Variants in SATL1 observed in about 807,000 individuals in gnomAD.
SATL1 encodes spermidine/spermine N1-acetyl transferase like 1.
In SATL1, 47 loss-of-function variants were observed where a neutral mutation model predicts 51.8. That is an observed-to-expected ratio of 0.91 (90% CI 0.72 to 1.16). The LOEUF (loss-of-function observed/expected upper bound fraction) is 1.16. SATL1 is among the 50% of genes most tolerant of loss of function. The probability of loss-of-function intolerance (pLI) is 0.00; values close to 1 mark genes in which losing one functional copy is unlikely to be tolerated. For synonymous variants in SATL1, 176 were observed against 182.4 expected (o/e 0.97, Z 0.28); for missense variants, 520 against 526.4 (o/e 0.99, Z 0.12).
chrX:85,205,878 A>G (rs1334893652), intron 2 of SATL1, among the ~76,000 whole-genome samples: 1 of 111,719 alleles, frequency 9.0e-6, no homozygotes, highest in Non-Finnish European at 1.9e-5. Context: ...TGATGCCTTG[A>G]ACTACAGTGG....
At position 85,109,193 on chromosome X, in the gene SATL1, A is replaced by T; in HGVS notation, c.-225T>A. Reference sequence around the variant, plus strand: ...AAGAGAGGAGCACCTCAGGAAGATTATTAATGCCTCCGGTTTGCTGGAGTT... The same window carrying T: ...AAGAGAGGAGCACCTCAGGAAGATTTTTAATGCCTCCGGTTTGCTGGAGTT... On this transcript the variant is annotated 5_prime_UTR_variant, in exon 3 of 8. Transcript: ENST00000644105. 1 of 415,203 alleles carries T rather than the reference A, an allele frequency of 2.4e-6. No homozygotes were observed. The highest frequency in any genetic ancestry group is 4.6e-5 in the South Asian group (1 of 21,905). 34.2% of individuals were successfully genotyped at this position (415,203 alleles called of 1,213,427 possible).
chrX:85,107,665 C>T lies in SATL1; in HGVS notation c.1304G>A (p.Gly435Asp). Residue 435 changes from glycine (G) to aspartate (D), a missense_variant, in exon 3 of 8, where the codon GGC becomes GAC. By Grantham distance (94) the Gly-to-Asp change is moderately conservative. This residue lies in a region of SATL1 where 488 missense variants were observed against 474.3 expected (regional missense o/e 1.03). Transcript: ENST00000644105. ...VPRQPNKSPPGMWQRGMWQPG... is the reference protein window; with the variant it reads ...VPRQPNKSPPDMWQRGMWQPG... Reference sequence around the variant, plus strand: ...TTGCCACATGCCTCGTTGCCACATGCCTGGTGGACTCTTGTTTGGTTGCCT... The same window carrying T: ...TTGCCACATGCCTCGTTGCCACATGTCTGGTGGACTCTTGTTTGGTTGCCT... 8.3e-7 allele frequency: 1 copy of T among 1,211,995 alleles called. No homozygotes were observed. Among genetic ancestry groups the T allele is most frequent in the East Asian group, 3.0e-5 (1 of 33,827 alleles).
At chrX:85,101,478 A>C (rs970484872) in intron 4 of SATL1, among the ~76,000 whole-genome samples, 80 of 112,466 alleles carry the variant, frequency 7.1e-4, no homozygotes, top group Non-Finnish European at 1.5e-4. Context: ...ATCAAAACAC[A>C]ATGAGATATC....
chrX:85,209,075 A>G (rs1000657551), intron 2 of SATL1: 1 of 112,152 alleles, frequency 8.9e-6, no homozygotes, highest in Non-Finnish European at 1.9e-5. Flanking sequence ...TATAAGGTGT[A>G]AGGAAGGGAT....
At chrX:85,134,713 G>C (rs1471757485) in intron 2 of SATL1, among the ~76,000 whole-genome samples, 1 of 111,682 alleles carries the variant, frequency 9.0e-6, no homozygotes, top group Non-Finnish European at 1.9e-5. Context: ...ATGTATTCCA[G>C]GTAGTAAAAG....
intron 2 of SATL1, among the ~76,000 whole-genome samples, chrX:85,188,100 C>T (rs961302454): frequency 1.8e-5 from 2 of 111,378 alleles, no homozygotes; most frequent in Non-Finnish European, 3.8e-5. Flanking sequence ...CATTCATTAT[C>T]TCTTTGCAAA....
At chrX:85,175,212 C>T (rs1400953837) in intron 2 of SATL1, among the ~76,000 whole-genome samples, 2 of 111,572 alleles carry the variant, frequency 1.8e-5, no homozygotes, top group Non-Finnish European at 3.8e-5. Context: ...CCCCAGCAAT[C>T]TGTTTTAAAA....
intron 2 of SATL1, among the ~76,000 whole-genome samples, chrX:85,208,352 G>A (rs759283932): frequency 9.9e-5 from 11 of 111,462 alleles, no homozygotes; most frequent in African/African-American, 1.6e-4. Flanking sequence ...GAATAGTGCC[G>A]CAATAAACAT....
chrX:85,093,486 T>C (rs1303021314), intron 6 of SATL1, among the ~76,000 whole-genome samples: 1 of 112,285 alleles, frequency 8.9e-6, no homozygotes, highest in Admixed American at 9.5e-5. Flanking sequence ...TAACGGTATA[T>C]TTCTTAGCTG....
intron 2 of SATL1, among the ~76,000 whole-genome samples, chrX:85,145,112 G>A (rs1926200227): frequency 9.0e-6 from 1 of 111,198 alleles, no homozygotes; most frequent in African/African-American, 3.3e-5. Context: ...ACCCTTAGTG[G>A]CCTACTAGTA....
intron 2 of SATL1, among the ~76,000 whole-genome samples, chrX:85,223,062 C>A (rs936112266): frequency 1.8e-5 from 2 of 111,883 alleles, no homozygotes; most frequent in Non-Finnish European, 3.8e-5. Flanking sequence ...TTCATCCCTT[C>A]TGAGATTTTT....
intron 2 of SATL1, among the ~76,000 whole-genome samples, chrX:85,166,806 A>G (rs1317362241): frequency 9.1e-6 from 1 of 109,399 alleles, no homozygotes; most frequent in African/African-American, 3.3e-5. Flanking sequence ...AAGTCACTAT[A>G]TGAAAAAGAT....
At chrX:85,149,486 C>T (rs1028375652) in intron 2 of SATL1, among the ~76,000 whole-genome samples, 5 of 111,741 alleles carry the variant, frequency 4.5e-5, no homozygotes, top group Admixed American at 1.9e-4. Context: ...CTACAGAACT[C>T]TTCACCCCAA....
chrX:85,184,341 T>G lies in SATL1; in HGVS notation c.-313+39864A>C, dbSNP rs377643496. 1.5e-4 allele frequency among the ~76,000 whole-genome samples: 17 copies of G among 111,578 alleles called. No homozygotes were observed. In the East Asian group the frequency reaches 4.0e-3, roughly 26 times the overall value. ...AGTTAAATCTTGGTATGCTATGGTCTTCTTGTACTTGAATATTGATATCTT... is the reference window on the plus strand; with the variant it reads ...AGTTAAATCTTGGTATGCTATGGTCGTCTTGTACTTGAATATTGATATCTT... On this transcript the variant is annotated intron_variant, in intron 2 of 7. Coordinates refer to ENST00000644105, the MANE Select transcript of SATL1 (RefSeq NM_001367857.2).
At chrX:85,166,207 A>G (rs1308749082) in intron 2 of SATL1, among the ~76,000 whole-genome samples, 4 of 111,834 alleles carry the variant, frequency 3.6e-5, no homozygotes, top group Non-Finnish European at 5.6e-5. Context: ...TCTTCTGGAC[A>G]TTGTCTTAGG....
At chrX:85,218,150 A>AC (rs1928091611) in intron 2 of SATL1, among the ~76,000 whole-genome samples, 2 of 106,217 alleles carry the variant, frequency 1.9e-5, no homozygotes, top group East Asian at 3.0e-4. Flanking sequence ...TAAAAAAAAA[A>AC]CCCCACCAAT....
In SATL1 at chrX:85,094,142, G is replaced by A. The variant is rs762755942; in HGVS notation, c.1862C>T (p.Thr621Ile). 8.7e-7 allele frequency: 1 copy of A among 1,151,914 alleles called. No homozygotes were observed. 94.9% of individuals were successfully genotyped at this position (1,151,914 alleles called of 1,213,427 possible). A position where few individuals can be genotyped will look rare whatever the true frequency, so the allele number is the denominator to read the frequency against. The change falls in exon 6 of 8, where the codon ACA (threonine) becomes ATA (isoleucine). Residue 621 changes from threonine (T) to isoleucine (I), a missense_variant. By Grantham distance (89) the Thr-to-Ile change is moderately conservative. Around this residue, in one of 3 missense-constraint regions of SATL1, gnomAD observed 488 missense variants for 474.3 expected, o/e 1.03. Transcript: ENST00000644105. ...TTTAGTTTTACCTTGGTAAGCTTGT[G>A]TGACATAAAAGTCCTCTAGGTAAAG... is the stretch of plus-strand genomic sequence containing the variant. The part of the protein sequence containing the change: ...KVLYLEDFYV[T>I]QAYQGLGIGA...
At chrX:85,127,634 C>A (rs1925658718) in intron 2 of SATL1, among the ~76,000 whole-genome samples, 2 of 111,430 alleles carry the variant, frequency 1.8e-5, no homozygotes, top group Admixed American at 1.9e-4. Flanking sequence ...ACTACCAATG[C>A]ATGAAGTGAA....
intron 2 of SATL1, among the ~76,000 whole-genome samples, chrX:85,199,031 G>C (rs1355290823): frequency 9.1e-6 from 1 of 109,559 alleles, no homozygotes; most frequent in Non-Finnish European, 1.9e-5. Context: ...AGTAGAGATG[G>C]GGTTTCACCA....
Sources: allele counts gnomAD v4.1 joint callset (sites outside exome capture counted in the v4.1 genomes callset), GRCh38; gene constraint gnomAD v4.1.1; regional missense constraint gnomAD v4.1.1; transcripts MANE v1.5; gene names NCBI Gene and HGNC (gene_info 2026-07-23, HGNC 2026-07-21).